GNAT3: variants seen among roughly 807,000 people sequenced by gnomAD.
GNAT3 encodes the protein G protein subunit alpha transducin 3.
In GNAT3, 31 loss-of-function variants were observed where a neutral mutation model predicts 37.7. The ratio of observed to expected loss-of-function variants is 0.82; its 90% CI spans 0.62 to 1.11. The LOEUF (loss-of-function observed/expected upper bound fraction) is 1.11. Among genes scored for constraint, GNAT3 ranks in the 50% most tolerant of loss-of-function variants. The pLI, the probability that GNAT3 is intolerant of heterozygous loss-of-function variation, is 0.00. For synonymous variants in GNAT3, 138 were observed against 139.8 expected, an observed-to-expected ratio of 0.99 and a Z score of 0.09; for missense variants, 437 against 412.5, an observed-to-expected ratio of 1.06 and a Z score of -0.51.
At chr7:80,462,717 G>A in intron 5 of GNAT3, 86 bp from the exon 6 acceptor site, 1 of 965,806 alleles carries the variant, frequency 1.0e-6, no homozygotes, top group South Asian at 1.8e-5. Context: ...GTATAAATGG[G>A]TGATCCCCTA....
intron 1 of GNAT3, among the ~76,000 whole-genome samples, chr7:80,504,303 C>G (rs2116227830): frequency 6.6e-6 from 1 of 151,602 alleles, no homozygotes; most frequent in African/African-American, 2.4e-5. Flanking sequence ...GTGAAAAGAC[C>G]CTGTCTTTAA....
chr7:80,497,608 G>GTCT (rs1562732890), intron 1 of GNAT3, among the ~76,000 whole-genome samples: 1 of 117,724 alleles, frequency 8.5e-6, no homozygotes. Context: ...ATACATATAC[G>GTCT]TATATACATA....
chr7:80,478,750 C>T (rs934822001), intron 4 of GNAT3, 91 bp downstream of exon 4: 3 of 1,246,740 alleles, frequency 2.4e-6, no homozygotes, highest in African/African-American at 3.0e-5. Flanking sequence ...TTATTTTCCT[C>T]ATTTGAATTT....
chr7:80,488,790 T>C (rs994208249), intron 2 of GNAT3, 114 bp from the exon 3 acceptor site: 1 of 689,170 alleles, frequency 1.5e-6, no homozygotes. Flanking sequence ...AAAAAGGAAT[T>C]TTGACCATAC....
At chr7:80,473,282 C>T (rs192956814) in intron 5 of GNAT3, among the ~76,000 whole-genome samples, 5 of 151,916 alleles carry the variant, frequency 3.3e-5, no homozygotes, top group Non-Finnish European at 7.4e-5. Context: ...AGAGTTTTTC[C>T]GTATTAGTTG....
At chr7:80,482,208 A>T (rs970381268) in intron 3 of GNAT3, among the ~76,000 whole-genome samples, 1 of 152,162 alleles carries the variant, frequency 6.6e-6, no homozygotes, top group African/African-American at 2.4e-5. Flanking sequence ...TCAACACAGG[A>T]TAGATTTTTA....
At chr7:80,463,799 A>G (rs1027979413) in intron 5 of GNAT3, among the ~76,000 whole-genome samples, 3 of 151,274 alleles carry the variant, frequency 2.0e-5, no homozygotes, top group African/African-American at 7.3e-5. Flanking sequence ...ATAGAGAGGC[A>G]GGAAACACAG....
chr7:80,501,584 A>G (rs1263108543), intron 1 of GNAT3, among the ~76,000 whole-genome samples: 1 of 151,970 alleles, frequency 6.6e-6, no homozygotes, highest in African/African-American at 2.4e-5. Context: ...TGTATTCATG[A>G]TCCAATCAAG....
chr7:80,497,614 A>ACATATACGTATATG (rs1562732922), intron 1 of GNAT3, among the ~76,000 whole-genome samples: 5 of 97,758 alleles, frequency 5.1e-5, no homozygotes, highest in Non-Finnish European at 1.0e-4. Flanking sequence ...ATACGTATAT[A>ACATATACGTATATG]CATATACGTA....
chr7:80,483,789 C>T (rs1790431300), intron 3 of GNAT3, among the ~76,000 whole-genome samples: 1 of 152,226 alleles, frequency 6.6e-6, no homozygotes, highest in Non-Finnish European at 1.5e-5. Context: ...ATACCACCTC[C>T]TCAATGAAGC....
intron 5 of GNAT3, among the ~76,000 whole-genome samples, chr7:80,471,472 T>C (rs1309317739): frequency 6.6e-6 from 1 of 151,990 alleles, no homozygotes; most frequent in Non-Finnish European, 1.5e-5. Flanking sequence ...AAAATGACCA[T>C]GATTTTCTGA....
In GNAT3 at chr7:80,466,278, T is replaced by C. The variant is rs1790128171; in HGVS notation, c.591-3647A>G. Among the ~76,000 whole-genome samples the C allele has an allele frequency of 1.3e-5, 2 of 152,130 alleles. 1 individual carries two copies. The highest frequency in any genetic ancestry group is 4.1e-4 in the South Asian group (2 of 4,828). On this transcript the variant is annotated intron_variant, in intron 5 of 7. Transcript: ENST00000398291. ...TTTCTCCACTAAGCAGAACTTGCAT[T>C]AGTCTTGTCAACCTTTGTAGTCTCC...
chr7:80,499,092 G>A (rs189180647), intron 1 of GNAT3, among the ~76,000 whole-genome samples: 9 of 151,922 alleles, frequency 5.9e-5, no homozygotes, highest in Non-Finnish European at 1.2e-4. Flanking sequence ...TTTTTTTGTA[G>A]GTGGTCTTAA....
At position 80,488,626 on chromosome 7, in the gene GNAT3, GCTTTGAACTC is replaced by G. The variant is rs1164363874; in HGVS notation, c.202_211del (p.Glu68GlnfsTer2). 6.2e-5 allele frequency: 98 copies of G among 1,589,398 alleles called. No homozygotes were observed. Among genetic ancestry groups the G allele is most frequent in the Non-Finnish European group, 8.3e-5 (97 of 1,165,106 alleles). On this transcript the variant is annotated frameshift_variant, in exon 3 of 8. Transcript: ENST00000398291. LOFTEE classifies it high-confidence loss of function. ...TTGCAATGTATTACTGTAAATTACT[GCTTTGAACTC>G]CATGCATTCTTGCTCACTGTAACCA...
At position 80,481,104 on chromosome 7, in the gene GNAT3, A is replaced by T. The variant is rs189816552; in HGVS notation, c.304-2106T>A. On this transcript the variant is annotated intron_variant, in intron 3 of 7. Coordinates refer to ENST00000398291, the MANE Select transcript of GNAT3 (RefSeq NM_001102386.3). The stretch of plus-strand genomic sequence containing the variant: ...ATCAAAAATCTGTTCTTTGTATAAA[A>T]AATAAGGATATGTCACTTATTGTTA... 3.3e-4 allele frequency among the ~76,000 whole-genome samples: 51 copies of T among 152,300 alleles called. 1 individual carries two copies. Among genetic ancestry groups the T allele is most frequent in the South Asian group, 3.1e-3 (15 of 4,826 alleles).
chr7:80,479,104 T>C, intron 3 of GNAT3, 106 bp from the exon 4 acceptor site: 5 of 811,472 alleles, frequency 6.2e-6, no homozygotes, highest in Non-Finnish European at 9.3e-6. Flanking sequence ...TTCTTTTAGC[T>C]AATAATTCCA....
chr7:80,493,657 TCCTCCTCCTCCTC>T, intron 2 of GNAT3, among the ~76,000 whole-genome samples: 4 of 116,640 alleles, frequency 3.4e-5, no homozygotes, highest in African/African-American at 1.6e-4. Context: ...TCCTCCTCTT[TCCTCCTCCTCCTC>T]TTTCCTCCTC....
intron 5 of GNAT3, among the ~76,000 whole-genome samples, chr7:80,473,320 T>A (rs542156074): frequency 6.6e-6 from 1 of 152,320 alleles, no homozygotes; most frequent in East Asian, 1.9e-4. Flanking sequence ...TAATAGGTAT[T>A]CTACTTAGAT....
rs138173912 is a variant in GNAT3, at chr7:80,480,050, T to C, written c.304-1052A>G. 2.0e-5 allele frequency among the ~76,000 whole-genome samples: 3 copies of C among 152,296 alleles called. No homozygotes were observed. The East Asian group carries it at 5.8e-4, about 29-fold the overall frequency. ...ACTGAGTAAATACTATAGTCTGCAA[T>C]TTATTTAAACAAATAATCAAAATAG... On this transcript the variant is annotated intron_variant, in intron 3 of 7. Coordinates refer to ENST00000398291, the MANE Select transcript of GNAT3 (RefSeq NM_001102386.3).
Sources: allele counts gnomAD v4.1 joint callset (sites outside exome capture counted in the v4.1 genomes callset), GRCh38; gene constraint gnomAD v4.1.1; transcripts MANE v1.5; gene names NCBI Gene and HGNC (gene_info 2026-07-23, HGNC 2026-07-21).